The following YTHDC2 variants were observed in gnomAD, a reference collection of about 807,000 sequenced individuals.
The protein encoded by YTHDC2 is YTH N6-methyladenosine RNA binding protein C2.
YTHDC2 carries 45 observed loss-of-function variants against 174.9 expected under a neutral mutation model. That is an observed-to-expected ratio of 0.26 (90% CI 0.20 to 0.33). The LOEUF (loss-of-function observed/expected upper bound fraction) is 0.33. Among genes scored for constraint, YTHDC2 ranks in the 10% least tolerant of loss-of-function variants. The pLI is 1.00. For missense variants in YTHDC2, 1,650 were observed against 1,723.7 expected (o/e 0.96, Z 0.76); for synonymous variants, 657 against 574.5 (o/e 1.14, Z -2.05).
chr5:113,563,120 G>A (rs939100299), intron 18 of YTHDC2, among the ~76,000 whole-genome samples: 16 of 151,798 alleles, frequency 1.1e-4, no homozygotes, highest in Non-Finnish European at 2.2e-4. Context: ...CGAACAGTGT[G>A]AGGAGATGTT....
chr5:113,592,386 A>G (rs945831858), intron 28 of YTHDC2: 12 of 423,688 alleles, frequency 2.8e-5, no homozygotes, highest in South Asian at 1.6e-4. Flanking sequence ...CAAGATGACA[A>G]TAGTATTTAA....
At chr5:113,518,187 G>GTTT (rs1201792684) in intron 2 of YTHDC2, among the ~76,000 whole-genome samples, 3 of 113,326 alleles carry the variant, frequency 2.6e-5, no homozygotes, top group Admixed American at 1.9e-4. Flanking sequence ...TGCACCTGGC[G>GTTT]TTTTTTTGTT....
At chr5:113,530,247 C>G (rs1483607597) in intron 4 of YTHDC2, among the ~76,000 whole-genome samples, 1 of 152,006 alleles carries the variant, frequency 6.6e-6, no homozygotes, top group Non-Finnish European at 1.5e-5. Flanking sequence ...AAAAATCTGT[C>G]CTTCCCCCGA....
chr5:113,553,273 C>G lies in YTHDC2; in HGVS notation c.1781C>G (p.Ala594Gly). The G allele has an allele frequency of 6.2e-7, 1 of 1,608,768 alleles. No individual in the cohort carries two copies. Residue 594 changes from alanine (A) to glycine (G), a missense_variant, in exon 13 of 30, where the codon GCT becomes GGT. By Grantham distance (60) the Ala-to-Gly change is moderately conservative. This residue lies in a region of YTHDC2 where 411 missense variants were observed against 380.6 expected (regional missense o/e 1.08). Coordinates refer to ENST00000161863, the MANE Select transcript of YTHDC2 (RefSeq NM_022828.5). The part of the protein sequence containing the change: ...LSAEDRELLK[A>G]YHHSFDDEKV... ...GCTGAAGACAGAGAGCTCCTGAAAG[C>G]TTATCATCATAGTTTCGATGATGAA...
chr5:113,522,972 T>A (rs573343969), intron 2 of YTHDC2, among the ~76,000 whole-genome samples: 10 of 152,218 alleles, frequency 6.6e-5, no homozygotes, highest in Admixed American at 1.3e-4. Context: ...CTGCTTATTA[T>A]GAGGTTTTTT....
At chr5:113,532,432 A>G (rs2112578932) in intron 4 of YTHDC2, among the ~76,000 whole-genome samples, 1 of 152,254 alleles carries the variant, frequency 6.6e-6, no homozygotes, top group Non-Finnish European at 1.5e-5. Flanking sequence ...TGGATTATAG[A>G]CTATTTTTGT....
At chr5:113,518,270 T>C (rs997398571) in intron 2 of YTHDC2, among the ~76,000 whole-genome samples, 54 of 149,432 alleles carry the variant, frequency 3.6e-4, no homozygotes, top group Non-Finnish European at 7.2e-4. Context: ...GACGGCTCGC[T>C]GCTCACTGCA....
chr5:113,592,191 A>ATTTT lies in YTHDC2; in HGVS notation c.4212+21_4212+24dup, dbSNP rs113314175. On this transcript the variant is annotated intron_variant, in intron 28 of 29. Coordinates refer to ENST00000161863, the MANE Select transcript of YTHDC2 (RefSeq NM_022828.5). The stretch of plus-strand genomic sequence containing the variant: ...CAGGGATGGGCAGGTATACAATGGC[A>ATTTT]TTTTTTTTTTTATTTACTTTTGTTT... 1,301 of 1,382,548 alleles carry ATTTT rather than the reference A, an allele frequency of 9.4e-4. 2 individuals carry two copies. The highest frequency in any genetic ancestry group is 6.6e-3 in the African/African-American group (441 of 66,844). The allele number at this position is 1,382,548 out of a possible 1,614,324, so 85.6% of individuals were successfully genotyped here. A position where few individuals can be genotyped will look rare whatever the true frequency, so the allele number is the denominator to read the frequency against.
chr5:113,532,267 G>GT (rs1348362684), intron 4 of YTHDC2, among the ~76,000 whole-genome samples: 2 of 152,054 alleles, frequency 1.3e-5, no homozygotes, highest in African/African-American at 4.8e-5. Flanking sequence ...TCTGGGTTGT[G>GT]TAAAACTTTT....
intron 2 of YTHDC2, among the ~76,000 whole-genome samples, chr5:113,524,346 A>G (rs1052047611): frequency 9.2e-5 from 14 of 152,168 alleles, no homozygotes; most frequent in Admixed American, 1.3e-4. Context: ...TGAGGAAACA[A>G]TATACCTACA....
chr5:113,566,375 T>TA (rs1777328429), intron 21 of YTHDC2, among the ~76,000 whole-genome samples: 1 of 151,916 alleles, frequency 6.6e-6, no homozygotes, highest in South Asian at 2.1e-4. Context: ...ATAGAAATTT[T>TA]AAAAAATTGA....
Position 113,563,356 on chromosome 5 carries a change from A to C in YTHDC2, c.2323-17A>C. ...TCTTTTTAATTTTAAAAAATTATTTACTGTTTTGGTTTATAGGAACTTTGC... is the reference window on the plus strand; with the variant it reads ...TCTTTTTAATTTTAAAAAATTATTTCCTGTTTTGGTTTATAGGAACTTTGC... On this transcript the variant is annotated splice_polypyrimidine_tract_variant and intron_variant, in intron 18 of 29. Transcript: ENST00000161863. The C allele has an allele frequency of 6.3e-7, 1 of 1,585,536 alleles. No homozygotes were observed. The highest frequency in any genetic ancestry group is 1.2e-5 in the South Asian group (1 of 86,762).
rs769751986 is a variant in YTHDC2 at position 113,567,647 on chromosome 5, T to C, written c.3049-7T>C. 1 of 1,579,876 alleles carries C rather than the reference T, an allele frequency of 6.3e-7. No individual in the cohort carries two copies. The highest frequency in any genetic ancestry group is 2.3e-5 in the East Asian group (1 of 44,088). ...TTAACAATTTTTAAAATTTATTTTC[T>C]TAATAGATTCCTCCAGCCAATGGTC... is the stretch of plus-strand genomic sequence containing the variant. On this transcript the variant is annotated splice_region_variant and splice_polypyrimidine_tract_variant and intron_variant, in intron 22 of 29. Transcript: ENST00000161863.
chr5:113,544,210 G>A (rs1452457723), intron 10 of YTHDC2, among the ~76,000 whole-genome samples: 1 of 152,114 alleles, frequency 6.6e-6, no homozygotes, highest in Non-Finnish European at 1.5e-5. Flanking sequence ...GTGCAGTGGT[G>A]TGATCTTGAC....
Position 113,537,081 on chromosome 5 carries a change from A to G in YTHDC2, c.1102+1283A>G, listed in dbSNP as rs187179553. Among the ~76,000 whole-genome samples, 467 of 152,284 alleles carry G rather than the reference A, an allele frequency of 3.1e-3. 2 individuals are homozygous for G. The highest frequency in any genetic ancestry group is 4.9e-3 in the Non-Finnish European group (330 of 68,004). On this transcript the variant is annotated intron_variant, in intron 7 of 29. Coordinates refer to ENST00000161863, the MANE Select transcript of YTHDC2 (RefSeq NM_022828.5). ...GCCCCTGCCAACAATGTTATAATGA[A>G]CATCCTTTTATGTATATCCTGATGT...
In YTHDC2 at chr5:113,563,924, A is replaced by G. The variant is rs764780390; in HGVS notation, c.2508A>G (p.Pro836=). 3 of 1,614,198 alleles carry G rather than the reference A, an allele frequency of 1.9e-6. No homozygotes were observed. The Admixed American group carries it at 5.0e-5, about 27-fold the overall frequency. Residue 836 remains proline, a synonymous_variant, in exon 20 of 30, where the codon CCA becomes CCG. Transcript: ENST00000161863. ...TTGGGTATCATTTGGCTGACTTGCC[A>G]GTAGAACCACATCTTGGTAAAATGG... is the stretch of plus-strand genomic sequence containing the variant. ...TELGYHLADL[P]VEPHLGKMVL...
intron 11 of YTHDC2, 48 bp downstream of exon 11, chr5:113,548,715 C>A: frequency 6.6e-7 from 1 of 1,516,132 alleles, no homozygotes; most frequent in Non-Finnish European, 8.8e-7. Context: ...TATAGCTACA[C>A]ATATCTTTTT....
chr5:113,563,704 C>A (rs1777156354), intron 19 of YTHDC2, among the ~76,000 whole-genome samples, 155 bp from the exon 20 acceptor site: 1 of 151,974 alleles, frequency 6.6e-6, no homozygotes, highest in Non-Finnish European at 1.5e-5. Flanking sequence ...AGATATAGTT[C>A]TTTTATATAG....
At chr5:113,545,987 G>A (rs1309733488) in intron 10 of YTHDC2, among the ~76,000 whole-genome samples, 1 of 50,180 alleles carries the variant, frequency 2.0e-5, no homozygotes, top group Non-Finnish European at 3.4e-5. Flanking sequence ...TGATCCGCCC[G>A]CCTCGGCCTC....
Sources: allele counts gnomAD v4.1 joint callset (sites outside exome capture counted in the v4.1 genomes callset), GRCh38; gene constraint gnomAD v4.1.1; regional missense constraint gnomAD v4.1.1; transcripts MANE v1.5; gene names NCBI Gene and HGNC (gene_info 2026-07-23, HGNC 2026-07-21).